Variants in LCLAT1 observed in about 807,000 individuals in gnomAD.
LCLAT1 encodes the protein 1-AGP acyltransferase 8.
A neutral mutation model predicts 30.7 loss-of-function variants in LCLAT1; 11 were observed. The ratio of observed to expected loss-of-function variants is 0.36; its 90% CI spans 0.23 to 0.59. The LOEUF is 0.59. LCLAT1 is among the 20% of genes least tolerant of loss of function. The pLI, the probability that LCLAT1 is intolerant of heterozygous loss-of-function variation, is 0.77. For missense variants in LCLAT1, 402 were observed against 458.6 expected (o/e 0.88, Z 1.13); for synonymous variants, 155 against 151.3 (o/e 1.02, Z -0.18).
In LCLAT1 at chr2:30,479,347, A is replaced by T. The variant is rs570295751; in HGVS notation, c.-5+31964A>T. ...GGGGTTCAAGTGATCCTCCTGCCTC[A>T]GCCTCCCAAGTAGTTGGGACCACAG... On this transcript the variant is annotated intron_variant, in intron 1 of 5. Transcript: ENST00000379509. Among the ~76,000 whole-genome samples, 11 of 152,084 alleles carry T rather than the reference A, an allele frequency of 7.2e-5. No homozygotes were observed. The East Asian group carries it at 2.1e-3, about 29-fold the overall frequency.
intron 5 of LCLAT1, among the ~76,000 whole-genome samples, chr2:30,598,323 G>A (rs766646997): frequency 1.3e-5 from 2 of 151,736 alleles, no homozygotes; most frequent in South Asian, 2.1e-4. Flanking sequence ...TTCAGAACTC[G>A]TTATTGGTCT....
intron 1 of LCLAT1, among the ~76,000 whole-genome samples, chr2:30,468,054 A>T (rs1040433668): frequency 4.6e-5 from 7 of 152,174 alleles, no homozygotes; most frequent in Admixed American, 6.5e-5. Context: ...GTTTTCTTCT[A>T]GGGTTTTTAT....
chr2:30,449,483 C>G (rs1051948994), intron 1 of LCLAT1, among the ~76,000 whole-genome samples: 1 of 151,220 alleles, frequency 6.6e-6, no homozygotes, highest in African/African-American at 2.4e-5. Context: ...TATTTTGAAA[C>G]AGAGTTATGA....
intron 5 of LCLAT1, among the ~76,000 whole-genome samples, chr2:30,568,579 C>T (rs1665619091): frequency 7.1e-6 from 1 of 140,298 alleles, no homozygotes; most frequent in African/African-American, 2.7e-5. Context: ...GCTATCTCGG[C>T]TCACTGCAAG....
intron 1 of LCLAT1, among the ~76,000 whole-genome samples, chr2:30,511,815 A>G (rs1213377298): frequency 6.6e-6 from 1 of 152,254 alleles, no homozygotes; most frequent in South Asian, 2.1e-4. Flanking sequence ...ACAGTTACCC[A>G]GAGGTGCAGA....
chr2:30,560,708 A>G (rs982756069), intron 3 of LCLAT1, among the ~76,000 whole-genome samples: 1 of 152,188 alleles, frequency 6.6e-6, no homozygotes, highest in Non-Finnish European at 1.5e-5. Context: ...TGTTGTATTT[A>G]TCAAATGATG....
At chr2:30,512,506 G>T (rs1684988349) in intron 1 of LCLAT1, among the ~76,000 whole-genome samples, 2 of 152,162 alleles carry the variant, frequency 1.3e-5, no homozygotes, top group African/African-American at 4.8e-5. Flanking sequence ...GGTGGATGGA[G>T]ATTAAGGAGA....
intron 5 of LCLAT1, among the ~76,000 whole-genome samples, chr2:30,624,980 A>G (rs1668437023): frequency 1.3e-5 from 2 of 152,220 alleles, no homozygotes; most frequent in African/African-American, 4.8e-5. Flanking sequence ...CCATGCAAAT[A>G]CATGGACATT....
intron 5 of LCLAT1, among the ~76,000 whole-genome samples, chr2:30,581,982 A>G (rs1032635023): frequency 2.6e-5 from 4 of 152,204 alleles, no homozygotes; most frequent in Non-Finnish European, 4.4e-5. Flanking sequence ...TACACATTGC[A>G]TACATATCTT....
Position 30,581,555 on chromosome 2 carries a change from ATACAATGGCG to A in LCLAT1, c.628+13381_628+13390del, listed in dbSNP as rs1247147782. 8.4e-4 allele frequency among the ~76,000 whole-genome samples: 128 copies of A among 152,352 alleles called. 1 individual carries two copies. Among genetic ancestry groups the A allele is most frequent in the Admixed American group, 6.9e-3 (105 of 15,302 alleles). On this transcript the variant is annotated intron_variant, in intron 5 of 5. Coordinates refer to ENST00000379509, the MANE Select transcript of LCLAT1 (RefSeq NM_001002257.3). ...TAAAGAAAATTTGGTGTGTAAGTAT[ATACAATGGCG>A]TTCTATTCAGCCATAAAAAGAATGA...
At chr2:30,569,866 G>A (rs1665699680) in intron 5 of LCLAT1, among the ~76,000 whole-genome samples, 1 of 152,150 alleles carries the variant, frequency 6.6e-6, no homozygotes, top group Non-Finnish European at 1.5e-5. Context: ...TGTTGTATGT[G>A]ATTAGTGAGT....
At chr2:30,494,936 C>G (rs148758857) in intron 1 of LCLAT1, among the ~76,000 whole-genome samples, 1 of 149,282 alleles carries the variant, frequency 6.7e-6, no homozygotes, top group Non-Finnish European at 1.5e-5. Flanking sequence ...CACGATATAA[C>G]CATTTCATGA....
intron 3 of LCLAT1, among the ~76,000 whole-genome samples, chr2:30,557,225 T>C (rs12612080): frequency 0.63 from 94,937 of 151,656 alleles, 30,065 homozygotes; most frequent in Non-Finnish European, 0.68. Context: ...AGTAATTCCC[T>C]ATGTATAGAC....
At chr2:30,566,669 A>G (rs1665496685) in intron 4 of LCLAT1, among the ~76,000 whole-genome samples, 1 of 152,168 alleles carries the variant, frequency 6.6e-6, no homozygotes, top group Non-Finnish European at 1.5e-5. Context: ...TCAATTTCGG[A>G]ATGCAGCTGA....
At chr2:30,534,394 T>C (rs2148398604) in intron 3 of LCLAT1, among the ~76,000 whole-genome samples, 1 of 152,152 alleles carries the variant, frequency 6.6e-6, no homozygotes, top group South Asian at 2.1e-4. Flanking sequence ...TCTCCTGGCT[T>C]AGCCTCCCAA....
At chr2:30,619,988 G>A (rs759329210) in intron 5 of LCLAT1, among the ~76,000 whole-genome samples, 18 of 152,220 alleles carry the variant, frequency 1.2e-4, no homozygotes, top group Admixed American at 7.2e-4. Context: ...AGTTAAAATT[G>A]TTGTTGCCTT....
chr2:30,501,150 C>T (rs1684366840), intron 1 of LCLAT1, among the ~76,000 whole-genome samples: 1 of 147,956 alleles, frequency 6.8e-6, no homozygotes, highest in Non-Finnish European at 1.5e-5. Flanking sequence ...CTTATAAAAT[C>T]CTGATTCTAG....
intron 1 of LCLAT1, among the ~76,000 whole-genome samples, chr2:30,473,125 A>T (rs1682877829): frequency 1.3e-5 from 2 of 152,172 alleles, no homozygotes; most frequent in Admixed American, 1.3e-4. Context: ...AATGTTTCTG[A>T]TTAATTCATT....
intron 1 of LCLAT1, among the ~76,000 whole-genome samples, chr2:30,504,138 CAT>C (rs1291863610): frequency 1.3e-5 from 2 of 151,670 alleles, no homozygotes; most frequent in African/African-American, 2.4e-5. Context: ...ATATATTACA[CAT>C]ATATACACAA....
Sources: allele counts gnomAD v4.1 joint callset (sites outside exome capture counted in the v4.1 genomes callset), GRCh38; gene constraint gnomAD v4.1.1; transcripts MANE v1.5; gene names NCBI Gene and HGNC (gene_info 2026-07-23, HGNC 2026-07-21).